ABCC3: variants seen among roughly 807,000 people sequenced by gnomAD.
The protein encoded by ABCC3 is ATP binding cassette subfamily C member 3.
A neutral mutation model predicts 165.3 loss-of-function variants in ABCC3; 121 were observed. The ratio of observed to expected loss-of-function variants is 0.73; its 90% CI spans 0.63 to 0.85. The LOEUF (loss-of-function observed/expected upper bound fraction) is 0.85, where lower values mean the gene tolerates loss of function less well. Among genes scored for constraint, ABCC3 ranks in the 40% least tolerant of loss-of-function variants. The pLI, the probability that ABCC3 is intolerant of heterozygous loss-of-function variation, is 0.00. For missense variants in ABCC3, 1,869 were observed against 1,964.1 expected (o/e 0.95, Z 0.92); for synonymous variants, 733 against 810.1 (o/e 0.90, Z 1.62).
At chr17:50,678,463 A>C (rs1008857848) in intron 25 of ABCC3, among the ~76,000 whole-genome samples, 3 of 152,232 alleles carry the variant, frequency 2.0e-5, no homozygotes, top group African/African-American at 7.2e-5. Context: ...ACATTCAGAA[A>C]GAATTCTGTT....
rs183388942 is a variant in ABCC3 at position 50,665,082 on chromosome 17, C to T, written c.1339-71C>T. 2.0e-4 allele frequency: 274 copies of T among 1,358,556 alleles called. 1 individual carries two copies. The African/African-American group carries it at 2.8e-3, about 14-fold the overall frequency. The allele number at this position is 1,358,556 out of a possible 1,614,324, so 84.2% of individuals were successfully genotyped here. On this transcript the variant is annotated intron_variant, in intron 10 of 30. Coordinates refer to ENST00000285238, the MANE Select transcript of ABCC3 (RefSeq NM_003786.4). Reference sequence around the variant, plus strand: ...TTTCAAGTTAACAGGCCTCTGTTTGCCTGTTGGGTTCTCTCTGTAGACTTT... The same window carrying T: ...TTTCAAGTTAACAGGCCTCTGTTTGTCTGTTGGGTTCTCTCTGTAGACTTT...
chr17:50,654,907 ACAGG>A (rs1967192178), intron 1 of ABCC3, among the ~76,000 whole-genome samples: 1 of 143,376 alleles, frequency 7.0e-6, no homozygotes, highest in Non-Finnish European at 1.5e-5. Flanking sequence ...CCTGGCTAAC[ACAGG>A]TGAAACTCCA....
Position 50,674,046 on chromosome 17 carries a change from T to C in ABCC3, c.2599+388T>C, listed in dbSNP as rs373391295. 9.5e-4 allele frequency among the ~76,000 whole-genome samples: 37 copies of C among 38,974 alleles called. 10 individuals are homozygous for C. Among genetic ancestry groups the C allele is most frequent in the African/African-American group, 1.7e-3 (10 of 5,882 alleles). The allele number at this position is 38,974 out of a possible 152,430, so 25.6% of individuals were successfully genotyped here. A position where few individuals can be genotyped will look rare whatever the true frequency, so the allele number is the denominator to read the frequency against. ...TCTCTCTCTCTCTCTCTTTCTTTCT[T>C]TCTTTCTTTCTTTCTTTCTTTCTTT... is the stretch of plus-strand genomic sequence containing the variant. On this transcript the variant is annotated intron_variant, in intron 19 of 30. Coordinates refer to ENST00000285238, the MANE Select transcript of ABCC3 (RefSeq NM_003786.4).
intron 30 of ABCC3, among the ~76,000 whole-genome samples, chr17:50,688,634 C>T (rs944863188): frequency 1.3e-5 from 2 of 152,178 alleles, no homozygotes; most frequent in Non-Finnish European, 2.9e-5. Context: ...CACCTGTAAT[C>T]TCAGCACTTT....
Position 50,683,327 on chromosome 17 carries a change from T to C in ABCC3, c.3808-283T>C, listed in dbSNP as rs1967958053. On this transcript the variant is annotated intron_variant, in intron 26 of 30. Transcript: ENST00000285238. ...AGTTCAAGGCTGCAATGAGCCATGA[T>C]TGAGACCCTGTCTCTCAAAAATTAA... Among the ~76,000 whole-genome samples, 3 of 149,564 alleles carry C rather than the reference T, an allele frequency of 2.0e-5. No individual in the cohort carries two copies. In the East Asian group the frequency reaches 5.9e-4, roughly 29 times the overall value.
intron 1 of ABCC3, among the ~76,000 whole-genome samples, chr17:50,653,344 CAAAAAAA>C (rs1298179994): frequency 6.3e-5 from 3 of 47,758 alleles, no homozygotes; most frequent in African/African-American, 6.9e-5. Flanking sequence ...GAGACTGTCT[CAAAAAAA>C]AAAAAAAAAA....
At position 50,656,778 on chromosome 17, in the gene ABCC3, C is replaced by A. The variant is rs868620611; in HGVS notation, c.299C>A (p.Ala100Asp). Residue 100 changes from alanine to aspartate, a missense_variant, in exon 3 of 31, where the codon GCC (alanine) becomes GAC (aspartate). By Grantham distance (126) the Ala-to-Asp change is moderately radical. Coordinates refer to ENST00000285238, the MANE Select transcript of ABCC3 (RefSeq NM_003786.4). The stretch of plus-strand genomic sequence containing the variant: ...TTCCATGGCCTGGTCCATGGCCGGG[C>A]CCCTGCCCCTGTTTTCTTTGTCACC... ...YSFHGLVHGR[A>D]PAPVFFVTPL... The A allele has an allele frequency of 3.1e-6, 5 of 1,613,762 alleles. No homozygotes were observed. The African/African-American group carries it at 5.3e-5, about 17-fold the overall frequency.
intron 1 of ABCC3, 75 bp from the exon 2 acceptor site, chr17:50,655,757 C>A: frequency 1.4e-6 from 2 of 1,386,528 alleles, no homozygotes; most frequent in South Asian, 1.3e-5. Flanking sequence ...ATCTCTCCAG[C>A]TAAGCCATCT....
intron 30 of ABCC3, among the ~76,000 whole-genome samples, chr17:50,690,282 A>T (rs1968097445): frequency 6.6e-6 from 1 of 151,918 alleles, no homozygotes; most frequent in Admixed American, 6.5e-5. Flanking sequence ...GTCCTTACCC[A>T]AGAGCAATCA....
Position 50,691,159 on chromosome 17 carries a change from G to A in ABCC3, c.4543G>A (p.Gly1515Ser), listed in dbSNP as rs1968116508. The A allele has an allele frequency of 1.2e-6, 2 of 1,614,162 alleles. No individual in the cohort carries two copies. The highest frequency in any genetic ancestry group is 1.7e-6 in the Non-Finnish European group (2 of 1,179,996). Residue 1515 changes from glycine to serine, a missense_variant, in exon 31 of 31, where the codon GGC (glycine) becomes AGC (serine). By Grantham distance (56) the Gly-to-Ser change is moderately conservative. Coordinates refer to ENST00000285238, the MANE Select transcript of ABCC3 (RefSeq NM_003786.4). The part of the protein sequence containing the change: ...DSPANLIAAR[G>S]IFYGMARDAG... The stretch of plus-strand genomic sequence containing the variant: ...TCCAGCCAACCTCATTGCAGCTAGA[G>A]GCATCTTCTACGGGATGGCCAGAGA...
intron 8 of ABCC3, among the ~76,000 whole-genome samples, chr17:50,661,852 C>T (rs2146612402): frequency 6.6e-6 from 1 of 152,238 alleles, no homozygotes; most frequent in African/African-American, 2.4e-5. Flanking sequence ...GCCTGGGATG[C>T]AGCAGGAAGC....
At chr17:50,646,588 A>G (rs1484052535) in intron 1 of ABCC3, among the ~76,000 whole-genome samples, 1 of 152,238 alleles carries the variant, frequency 6.6e-6, no homozygotes, top group Admixed American at 6.5e-5. Flanking sequence ...ACTGAGCTCC[A>G]GGACCCTCTT....
intron 1 of ABCC3, among the ~76,000 whole-genome samples, chr17:50,653,488 C>T (rs1967157805): frequency 6.6e-6 from 1 of 151,886 alleles, no homozygotes; most frequent in South Asian, 2.1e-4. Context: ...TGGTGGCTCA[C>T]ACCTGTAATC....
intron 26 of ABCC3, 71 bp downstream of exon 26, chr17:50,679,970 C>A: frequency 8.1e-7 from 1 of 1,231,028 alleles, no homozygotes; most frequent in South Asian, 1.2e-5. Flanking sequence ...GTGGCTCTCT[C>A]TCCCTCAACA....
chr17:50,657,242 GGGT>G, intron 4 of ABCC3, 59 bp downstream of exon 4: 7 of 1,587,090 alleles, frequency 4.4e-6, no homozygotes, highest in Non-Finnish European at 6.0e-6. Flanking sequence ...GGTGACCTCA[GGGT>G]TCAAAGTCAC....
chr17:50,672,413 C>G (rs916644725), intron 17 of ABCC3, among the ~76,000 whole-genome samples: 4 of 152,144 alleles, frequency 2.6e-5, no homozygotes, highest in African/African-American at 9.7e-5. Context: ...GCCCATTTAT[C>G]CGTAGATGGG....
At chr17:50,681,249 T>C (rs1367982441) in intron 26 of ABCC3, among the ~76,000 whole-genome samples, 2 of 152,146 alleles carry the variant, frequency 1.3e-5, no homozygotes, top group Non-Finnish European at 2.9e-5. Flanking sequence ...TGCTCAGCCA[T>C]CGACCTTGCC....
intron 29 of ABCC3, among the ~76,000 whole-genome samples, chr17:50,686,196 G>GA (rs1968018870): frequency 6.6e-6 from 1 of 152,074 alleles, no homozygotes; most frequent in African/African-American, 2.4e-5. Context: ...TTCGTCTCAA[G>GA]AAAAAAAACT....
chr17:50,682,567 G>A (rs1364721332), intron 26 of ABCC3, among the ~76,000 whole-genome samples: 1 of 151,946 alleles, frequency 6.6e-6, no homozygotes, highest in Non-Finnish European at 1.5e-5. Context: ...CCTCTGCCTG[G>A]CATGCCCTCC....
Sources: allele counts gnomAD v4.1 joint callset (sites outside exome capture counted in the v4.1 genomes callset), GRCh38; gene constraint gnomAD v4.1.1; transcripts MANE v1.5; gene names NCBI Gene and HGNC (gene_info 2026-07-23, HGNC 2026-07-21).